Variants in PHF21B observed in about 807,000 individuals in gnomAD.
The protein encoded by PHF21B is PHD finger protein 4.
In PHF21B, 22 loss-of-function variants were observed where a neutral mutation model predicts 62.2. The ratio of observed to expected loss-of-function variants is 0.35; its 90% CI spans 0.25 to 0.51. The LOEUF (loss-of-function observed/expected upper bound fraction) is 0.51. PHF21B is among the 20% of genes least tolerant of loss of function. The pLI, the probability that PHF21B is intolerant of heterozygous loss-of-function variation, is 0.97. For missense variants in PHF21B, 701 were observed against 707.9 expected (o/e 0.99, Z 0.11); for synonymous variants, 341 against 314.7 (o/e 1.08, Z -0.88).
intron 3 of PHF21B, 86 bp from the exon 4 acceptor site, chr22:44,916,716 T>C: frequency 1.7e-6 from 2 of 1,209,166 alleles, no homozygotes; most frequent in Non-Finnish European, 1.2e-6. Flanking sequence ...AGACTTCCTA[T>C]ATTCAAGGGG....
chr22:44,898,679 CTT>C (rs909181394), intron 5 of PHF21B, among the ~76,000 whole-genome samples: 3 of 152,062 alleles, frequency 2.0e-5, no homozygotes, highest in Non-Finnish European at 4.4e-5. Flanking sequence ...TGTAATGAAA[CTT>C]ATCAATATTT....
At chr22:45,005,545 T>G (rs1478512954) in intron 2 of PHF21B, among the ~76,000 whole-genome samples, 1 of 152,178 alleles carries the variant, frequency 6.6e-6, no homozygotes, top group Non-Finnish European at 1.5e-5. Flanking sequence ...TTAAACACCT[T>G]TACACACTTG....
chr22:44,950,110 C>T (rs1160993232), intron 2 of PHF21B, among the ~76,000 whole-genome samples: 1 of 152,202 alleles, frequency 6.6e-6, no homozygotes, highest in Non-Finnish European at 1.5e-5. Context: ...GATCAATTCA[C>T]CTTTCCTGAT....
At chr22:44,975,389 C>A (rs2072717799) in intron 2 of PHF21B, among the ~76,000 whole-genome samples, 1 of 152,038 alleles carries the variant, frequency 6.6e-6, no homozygotes, top group Admixed American at 6.6e-5. Flanking sequence ...CCATAAGAGG[C>A]CCCTGTCCCT....
intron 2 of PHF21B, among the ~76,000 whole-genome samples, chr22:44,976,469 A>G (rs914962219): frequency 8.5e-5 from 13 of 152,242 alleles, no homozygotes; most frequent in Middle Eastern, 3.2e-3. Context: ...TCCCTATCCA[A>G]ACTTTTAAAA....
intron 9 of PHF21B, among the ~76,000 whole-genome samples, chr22:44,889,364 C>T (rs965553632): frequency 6.6e-6 from 1 of 152,208 alleles, no homozygotes; most frequent in African/African-American, 2.4e-5. Context: ...AAGTCCAGCC[C>T]CTTTTCGGAC....
chr22:44,910,998 G>C (rs1489339267), intron 5 of PHF21B, among the ~76,000 whole-genome samples: 2 of 152,246 alleles, frequency 1.3e-5, no homozygotes, highest in Admixed American at 6.5e-5. Flanking sequence ...CTCAGATGGA[G>C]ACAAGGAACT....
chr22:44,954,749 C>T (rs1344855163), intron 2 of PHF21B, among the ~76,000 whole-genome samples: 1 of 152,194 alleles, frequency 6.6e-6, no homozygotes, highest in Non-Finnish European at 1.5e-5. Context: ...TTGTAGAGAC[C>T]GGGCTTGATG....
chr22:44,919,773 G>C (rs941351250), intron 3 of PHF21B, among the ~76,000 whole-genome samples: 1 of 152,222 alleles, frequency 6.6e-6, no homozygotes, highest in Non-Finnish European at 1.5e-5. Context: ...CAAATGTTTT[G>C]TCTTGACTCA....
At chr22:44,967,106 G>C (rs2072542456) in intron 2 of PHF21B, 1 of 152,248 alleles carries the variant, frequency 6.6e-6, no homozygotes, top group Non-Finnish European at 1.5e-5. Flanking sequence ...CAACCACTGA[G>C]TCCCCTGAGG....
intron 5 of PHF21B, among the ~76,000 whole-genome samples, chr22:44,900,783 CTT>C (rs34015375): frequency 0.045 from 5,804 of 128,286 alleles, 284 homozygotes; most frequent in African/African-American, 0.14. Context: ...TAAAGTGACT[CTT>C]TTTTTTTTTT....
intron 2 of PHF21B, among the ~76,000 whole-genome samples, chr22:44,934,027 T>C (rs1374872566): frequency 1.3e-5 from 2 of 152,146 alleles, no homozygotes; most frequent in East Asian, 3.9e-4. Flanking sequence ...CAAGAAAATA[T>C]ATGGCATGTG....
intron 2 of PHF21B, among the ~76,000 whole-genome samples, chr22:44,985,605 A>C (rs914838916): frequency 6.6e-6 from 1 of 150,384 alleles, no homozygotes; most frequent in African/African-American, 2.5e-5. Context: ...TCTCAAAAGA[A>C]AAAAAAAAAT....
intron 2 of PHF21B, among the ~76,000 whole-genome samples, chr22:44,985,951 T>C (rs550693449): frequency 1.1e-4 from 15 of 138,120 alleles, no homozygotes; most frequent in African/African-American, 3.9e-4. Context: ...ATCACCATGA[T>C]CACCATTATC....
intron 2 of PHF21B, among the ~76,000 whole-genome samples, chr22:44,945,719 G>A (rs1037388884): frequency 9.3e-5 from 2 of 21,534 alleles, no homozygotes; most frequent in Non-Finnish European, 2.2e-4. Flanking sequence ...GCAGAATTGG[G>A]GGGGGGGTGG....
chr22:44,967,188 G>C (rs1267466682), intron 2 of PHF21B: 1 of 152,030 alleles, frequency 6.6e-6, no homozygotes, highest in Non-Finnish European at 1.5e-5. Flanking sequence ...AGGGGACAGA[G>C]GCCGGGCCAC....
rs1007880805 is a variant in PHF21B at position 45,009,773 on chromosome 22, G to A, written c.-224C>T. ...AGCCCTCGGCTGCCCCAACTCCTCAGGCTGCCCGGCAAGTTGCGCCGGGTC... is the reference window on the plus strand; with the variant it reads ...AGCCCTCGGCTGCCCCAACTCCTCAAGCTGCCCGGCAAGTTGCGCCGGGTC... On this transcript the variant is annotated 5_prime_UTR_variant, in exon 1 of 13. Coordinates refer to ENST00000313237, the MANE Select transcript of PHF21B (RefSeq NM_138415.5). The surrounding 1 kb of genome is among the most constrained non-coding windows in gnomAD (Gnocchi z 5.9). The A allele has an allele frequency of 1.1e-4, 34 of 305,510 alleles. No homozygotes were observed. Among genetic ancestry groups the A allele is most frequent in the Admixed American group, 3.2e-4 (6 of 18,870 alleles). The allele number at this position is 305,510 out of a possible 1,614,324, so 18.9% of individuals were successfully genotyped here.
At chr22:44,900,783 C>CTT (rs34015375) in intron 5 of PHF21B, among the ~76,000 whole-genome samples, 15 of 128,360 alleles carry the variant, frequency 1.2e-4, no homozygotes, top group African/African-American at 2.9e-4. Flanking sequence ...TAAAGTGACT[C>CTT]TTTTTTTTTT....
chr22:45,006,786 C>A (rs1048746356), intron 2 of PHF21B, among the ~76,000 whole-genome samples: 16 of 151,844 alleles, frequency 1.1e-4, no homozygotes, highest in Non-Finnish European at 7.4e-5. Context: ...CAACAACTTG[C>A]CGTTTTACCC....
Sources: allele counts gnomAD v4.1 joint callset (sites outside exome capture counted in the v4.1 genomes callset), GRCh38; gene constraint gnomAD v4.1.1; non-coding constraint Gnocchi (gnomAD v3.1); transcripts MANE v1.5; gene names NCBI Gene and HGNC (gene_info 2026-07-23, HGNC 2026-07-21).